Variants in GRID2IP observed in about 807,000 individuals in gnomAD.
GRID2IP encodes delphilin.
In GRID2IP, 78 loss-of-function variants were observed where a neutral mutation model predicts 114.3. That is an observed-to-expected ratio of 0.68 (90% confidence interval 0.57 to 0.82). GRID2IP has a LOEUF of 0.82. Among genes scored for constraint, GRID2IP ranks in the 40% least tolerant of loss-of-function variants. The pLI, the probability that GRID2IP is intolerant of heterozygous loss-of-function variation, is 0.00. For missense variants in GRID2IP, 1,727 were observed against 1,678.5 expected, an observed-to-expected ratio of 1.03 and a Z score of -0.51; for synonymous variants, 809 against 724.0, an observed-to-expected ratio of 1.12 and a Z score of -1.89.
intron 20 of GRID2IP, among the ~76,000 whole-genome samples, chr7:6,499,388 T>A (rs1052903378): frequency 6.6e-6 from 1 of 152,224 alleles, no homozygotes; most frequent in African/African-American, 2.4e-5. Flanking sequence ...TATGCCTGTC[T>A]GATGTGCCAG....
In GRID2IP at chr7:6,526,777, C is replaced by G; in HGVS notation, c.585-8G>C. On this transcript the variant is annotated splice_region_variant and splice_polypyrimidine_tract_variant and intron_variant, in intron 2 of 21. Transcript: ENST00000457091. This position sits in a 1 kb window ranked among gnomAD's most constrained non-coding sequence, Gnocchi z 7.6. ...TTCTTGGGGATGAAGATCCTGCCGG[C>G]GAGGACGGCGGAGTCGGGGCGCGTT... is the stretch of plus-strand genomic sequence containing the variant. 6 of 1,509,758 alleles carry G rather than the reference C, an allele frequency of 4.0e-6. No homozygotes were observed. The highest frequency in any genetic ancestry group is 1.4e-5 in the African/African-American group (1 of 69,368). 93.5% of individuals were successfully genotyped at this position (1,509,758 alleles called of 1,614,324 possible).
intron 2 of GRID2IP, among the ~76,000 whole-genome samples, chr7:6,530,840 G>A (rs1000972281): frequency 1.3e-5 from 2 of 152,226 alleles, no homozygotes; most frequent in Admixed American, 1.3e-4. Context: ...TTAGGGCCAC[G>A]CACGGGTTCT....
intron 2 of GRID2IP, among the ~76,000 whole-genome samples, chr7:6,529,845 C>G (rs1285157028): frequency 6.6e-6 from 1 of 152,140 alleles, no homozygotes; most frequent in Non-Finnish European, 1.5e-5. Flanking sequence ...ACCTTGCACA[C>G]CGGGTCAGTT....
At position 6,503,012 on chromosome 7, in the gene GRID2IP, AG is replaced by A; in HGVS notation, c.3058del (p.Leu1020TrpfsTer29). 3 of 1,551,524 alleles carry A rather than the reference AG, an allele frequency of 1.9e-6. No individual in the cohort carries two copies. The highest frequency in any genetic ancestry group is 2.6e-6 in the Non-Finnish European group (3 of 1,146,970). On this transcript the variant is annotated frameshift_variant, in exon 17 of 22. Coordinates refer to ENST00000457091, the MANE Select transcript of GRID2IP (RefSeq NM_001145118.2). LOFTEE classifies it high-confidence loss of function. Reference sequence around the variant, plus strand: ...AGGAAGGGTACGCCCACTGACCTCCAGGATCTTGGCGAGCTTCCGACTGTTT... The same window carrying A: ...AGGAAGGGTACGCCCACTGACCTCCAGATCTTGGCGAGCTTCCGACTGTTT... The part of the protein sequence containing the change: ...LKNSRKLAKI[L>X]EFVLAMGNYL...
At chr7:6,548,130 A>T (rs1005204146) in intron 1 of GRID2IP, among the ~76,000 whole-genome samples, 2 of 152,202 alleles carry the variant, frequency 1.3e-5, no homozygotes, top group Non-Finnish European at 2.9e-5. Context: ...AGGTAGGCAG[A>T]TCTCCTGAGG....
At chr7:6,541,932 A>C (rs1779819988) in intron 1 of GRID2IP, among the ~76,000 whole-genome samples, 1 of 152,204 alleles carries the variant, frequency 6.6e-6, no homozygotes, top group South Asian at 2.1e-4. Flanking sequence ...AATATCTGAC[A>C]GTGGGGGCTA....
At chr7:6,514,859 G>C (rs1288952021) in intron 7 of GRID2IP, among the ~76,000 whole-genome samples, 1 of 151,804 alleles carries the variant, frequency 6.6e-6, no homozygotes, top group African/African-American at 2.4e-5. Context: ...GGCTGAGGCA[G>C]GAGAATTGCT....
intron 8 of GRID2IP, among the ~76,000 whole-genome samples, chr7:6,512,228 C>CTTTTTTTTTTTTTTTTTTT (rs1779186312): frequency 1.6e-5 from 1 of 63,862 alleles, no homozygotes; most frequent in African/African-American, 6.0e-5. Context: ...TTTTTCTTTT[C>CTTTTTTTTTTTTTTTTTTT]TTCTTTTTTT....
chr7:6,545,800 C>G (rs1029394649), intron 1 of GRID2IP, among the ~76,000 whole-genome samples: 1 of 152,206 alleles, frequency 6.6e-6, no homozygotes. Flanking sequence ...CAGCTCACCA[C>G]TGTTTCCCTC....
At chr7:6,515,817 G>A (rs1440385764) in intron 7 of GRID2IP, among the ~76,000 whole-genome samples, 1 of 151,944 alleles carries the variant, frequency 6.6e-6, no homozygotes, top group Non-Finnish European at 1.5e-5. Context: ...AATAAAAATA[G>A]GCTGGGGGTG....
At position 6,503,630 on chromosome 7, in the gene GRID2IP, C is replaced by A; in HGVS notation, c.2768G>T (p.Ser923Ile). 3 of 1,526,606 alleles carry A rather than the reference C, an allele frequency of 2.0e-6. No homozygotes were observed. The highest frequency in any genetic ancestry group is 2.6e-6 in the Non-Finnish European group (3 of 1,143,382). 94.6% of individuals were successfully genotyped at this position (1,526,606 alleles called of 1,614,324 possible). ...GGGCTCCAGGCGCCGGGGCTCCATG[C>A]TCATCAGCACCTGGCGCAGCTCCGC... Reference protein sequence around the residue: ...SPAELRQVLMSMEPRRLEPAH... With the variant: ...SPAELRQVLMIMEPRRLEPAH... Residue 923 changes from serine (S) to isoleucine (I), a missense_variant, in exon 16 of 22, where the codon AGC (serine) becomes ATC (isoleucine). By Grantham distance (142) the Ser-to-Ile change is moderately radical. Transcript: ENST00000457091.
At chr7:6,504,737 C>G (rs1786525873) in intron 15 of GRID2IP, 56 bp downstream of exon 15, 6 of 1,385,390 alleles carry the variant, frequency 4.3e-6, no homozygotes, top group Non-Finnish European at 6.0e-6. Flanking sequence ...GTCTGAGGCC[C>G]AGAGAAAGGG....
Position 6,526,164 on chromosome 7 carries a change from G to T in GRID2IP, c.919+60C>A. 1 of 1,358,016 alleles carries T rather than the reference G, an allele frequency of 7.4e-7. No individual in the cohort carries two copies. Among genetic ancestry groups the T allele is most frequent in the Non-Finnish European group, 1.0e-6 (1 of 971,866 alleles). The allele number at this position is 1,358,016 out of a possible 1,614,324, so 84.1% of individuals were successfully genotyped here. ...TACAATGACCCGGCAGAGCCACCAC[G>T]GGGCCCTTCACCCCATCCTGGGCCT... On this transcript the variant is annotated intron_variant, in intron 4 of 21. Coordinates refer to ENST00000457091, the MANE Select transcript of GRID2IP (RefSeq NM_001145118.2). This position sits in a 1 kb window ranked among gnomAD's most constrained non-coding sequence, Gnocchi z 7.6.
intron 2 of GRID2IP, among the ~76,000 whole-genome samples, chr7:6,535,054 T>A (rs1313981755): frequency 1.3e-5 from 2 of 152,144 alleles, no homozygotes; most frequent in Admixed American, 6.5e-5. Context: ...CCCAGCTAAT[T>A]TTGTATTTTT....
At chr7:6,502,144 C>A in intron 18 of GRID2IP, 26 bp from the exon 19 acceptor site, 2 of 1,549,982 alleles carry the variant, frequency 1.3e-6, no homozygotes, top group Middle Eastern at 1.7e-4. Flanking sequence ...AATATACATT[C>A]CCGTCAAGGA....
chr7:6,509,275 G>C lies in GRID2IP; in HGVS notation c.1810C>G (p.Arg604Gly). The change falls in exon 12 of 22, where the codon CGA becomes GGA. Residue 604 changes from arginine (R) to glycine (G), a missense_variant. Arg to Gly is a moderately radical substitution (Grantham distance 125). Transcript: ENST00000457091. This position sits in a 1 kb window ranked among gnomAD's most constrained non-coding sequence, Gnocchi z 4.9. ...TLSGVSWPSERLLPSPCYHPL... is the reference protein window; with the variant it reads ...TLSGVSWPSEGLLPSPCYHPL... Reference sequence around the variant, plus strand: ...TGGTAGCAGGGGGAGGGCAAGAGTCGCTCGCTGGGCCATGAGACGCCGGAC... The same window carrying C: ...TGGTAGCAGGGGGAGGGCAAGAGTCCCTCGCTGGGCCATGAGACGCCGGAC... 1 of 1,527,234 alleles carries C rather than the reference G, an allele frequency of 6.5e-7. No individual in the cohort carries two copies. Among genetic ancestry groups the C allele is most frequent in the Non-Finnish European group, 8.8e-7 (1 of 1,134,980 alleles). The allele number at this position is 1,527,234 out of a possible 1,614,324, so 94.6% of individuals were successfully genotyped here. A position where few individuals can be genotyped will look rare whatever the true frequency, so the allele number is the denominator to read the frequency against.
At chr7:6,549,083 C>T (rs1043415820) in intron 1 of GRID2IP, among the ~76,000 whole-genome samples, 2 of 152,084 alleles carry the variant, frequency 1.3e-5, no homozygotes, top group African/African-American at 4.8e-5. Flanking sequence ...AGGTGAATGG[C>T]ATGGGAGGTT....
In GRID2IP at chr7:6,521,332, G is replaced by C. The variant is rs1437865634; in HGVS notation, c.1084+97C>G. The C allele has an allele frequency of 6.1e-6, 5 of 824,142 alleles. No homozygotes were observed. The African/African-American group carries it at 8.7e-5, about 14-fold the overall frequency. The allele number at this position is 824,142 out of a possible 1,614,324, so 51.1% of individuals were successfully genotyped here. ...CCGGGGAGGCAAGCTGCAGGTTTAGGGGAAGAGCTGAGTCCTCCGCACTGT... is the reference window on the plus strand; with the variant it reads ...CCGGGGAGGCAAGCTGCAGGTTTAGCGGAAGAGCTGAGTCCTCCGCACTGT... On this transcript the variant is annotated intron_variant, in intron 6 of 21. Transcript: ENST00000457091. The surrounding 1 kb of genome is among the most constrained non-coding windows in gnomAD (Gnocchi z 4.1).
At position 6,501,932 on chromosome 7, in the gene GRID2IP, C is replaced by T. The variant is rs763445352; in HGVS notation, c.3281-33G>A. ...GAAGAGGACAGGGGCTGCATGGGGCCACTCTCCCAGCCCAGGACAGCATGC... is the reference window on the plus strand; with the variant it reads ...GAAGAGGACAGGGGCTGCATGGGGCTACTCTCCCAGCCCAGGACAGCATGC... On this transcript the variant is annotated intron_variant, in intron 19 of 21. Coordinates refer to ENST00000457091, the MANE Select transcript of GRID2IP (RefSeq NM_001145118.2). The T allele has an allele frequency of 7.7e-6, 12 of 1,550,280 alleles. No homozygotes were observed. In the South Asian group the frequency reaches 1.1e-4, roughly 14 times the overall value.
Sources: gnomAD v4.1 joint callset for allele counts (sites outside exome capture counted in the v4.1 genomes callset) on GRCh38, gnomAD v4.1.1 for gene constraint, Gnocchi (gnomAD v3.1) non-coding constraint, MANE v1.5 for transcripts, NCBI Gene and HGNC (gene_info 2026-07-23, HGNC 2026-07-21) for gene names.